The following DNAJC8 variants were observed in gnomAD, a reference collection of about 807,000 sequenced individuals.
DNAJC8 encodes the protein dnaJ homolog subfamily C member 8.
DNAJC8 carries 24 observed loss-of-function variants against 43.2 expected under a neutral mutation model. That is an observed-to-expected ratio of 0.56 (90% confidence interval 0.40 to 0.78). The LOEUF (loss-of-function observed/expected upper bound fraction) is 0.78, where lower values mean the gene tolerates loss of function less well. Ranked by LOEUF, DNAJC8 falls within the 30% of genes least tolerant of loss-of-function variation. The probability of loss-of-function intolerance (pLI) is 0.00; values close to 1 mark genes in which losing one functional copy is unlikely to be tolerated. For synonymous variants in DNAJC8, 83 were observed against 98.0 expected, an observed-to-expected ratio of 0.85 and a Z score of 0.90; for missense variants, 207 against 299.4, an observed-to-expected ratio of 0.69 and a Z score of 2.28.
chr1:28,228,912 A>G lies in DNAJC8; in HGVS notation c.180+10T>C. On this transcript the variant is annotated intron_variant, in intron 2 of 8. Transcript: ENST00000263697. ...CATTACAGAGGCCCTAGCAACATCA[A>G]TCGGCTCACCTCAAATGGGTTCAAA... 6.2e-7 allele frequency: 1 copy of G among 1,610,930 alleles called. No homozygotes were observed. The highest frequency in any genetic ancestry group is 2.2e-5 in the East Asian group (1 of 44,852).
At chr1:28,210,152 C>A in intron 4 of DNAJC8, 86 bp from the exon 5 acceptor site, 1 of 1,093,308 alleles carries the variant, frequency 9.1e-7, no homozygotes, top group Admixed American at 1.9e-5. Flanking sequence ...TGGACTTGTG[C>A]TCTCTAAAGC....
intron 2 of DNAJC8, among the ~76,000 whole-genome samples, chr1:28,222,651 C>G (rs946750637): frequency 2.6e-5 from 4 of 152,104 alleles, no homozygotes; most frequent in African/African-American, 9.6e-5. Flanking sequence ...TCAGGCAAAA[C>G]AGACGTCTAC....
chr1:28,224,422 C>T (rs1224494105), intron 2 of DNAJC8, among the ~76,000 whole-genome samples: 2 of 152,102 alleles, frequency 1.3e-5, no homozygotes, highest in East Asian at 3.9e-4. Flanking sequence ...GGCACTCCAT[C>T]ACACCCGGTT....
intron 2 of DNAJC8, among the ~76,000 whole-genome samples, chr1:28,221,828 T>C (rs562860243): frequency 6.6e-6 from 1 of 152,162 alleles, no homozygotes; most frequent in Non-Finnish European, 1.5e-5. Flanking sequence ...ATAGCTAAGA[T>C]GTAGAACAAC....
At chr1:28,209,728 C>G (rs1646797870) in intron 5 of DNAJC8, among the ~76,000 whole-genome samples, 1 of 152,160 alleles carries the variant, frequency 6.6e-6, no homozygotes, top group Non-Finnish European at 1.5e-5. Context: ...CTCCCCAACA[C>G]AGGACTGGTA....
chr1:28,207,628 G>C (rs1646778640), intron 6 of DNAJC8, among the ~76,000 whole-genome samples: 1 of 151,188 alleles, frequency 6.6e-6, no homozygotes, highest in African/African-American at 2.4e-5. Context: ...ATTTTTAGTA[G>C]AGACGGGGTT....
intron 2 of DNAJC8, among the ~76,000 whole-genome samples, chr1:28,222,381 G>A (rs1051226114): frequency 3.3e-5 from 5 of 150,882 alleles, no homozygotes; most frequent in African/African-American, 9.8e-5. Flanking sequence ...AGCTACTCAG[G>A]AGGCTGAGAC....
At chr1:28,215,115 G>T in intron 2 of DNAJC8, 119 bp from the exon 3 acceptor site, 3 of 726,188 alleles carry the variant, frequency 4.1e-6, no homozygotes, top group South Asian at 2.7e-5. Flanking sequence ...CCATGTTCTA[G>T]AACACAGGCT....
At chr1:28,229,480 A>G (rs1205457824) in intron 1 of DNAJC8, among the ~76,000 whole-genome samples, 1 of 62,050 alleles carries the variant, frequency 1.6e-5, no homozygotes, top group Non-Finnish European at 3.0e-5. Context: ...TAATTTTAAG[A>G]AAAAAAAAAT....
chr1:28,231,721 A>G lies in DNAJC8; in HGVS notation c.78+1200T>C, dbSNP rs1646976750. Among the ~76,000 whole-genome samples the G allele has an allele frequency of 2.7e-5, 3 of 110,390 alleles. No individual in the cohort carries two copies. In the South Asian group the frequency reaches 7.1e-4, roughly 26 times the overall value. 72.4% of individuals were successfully genotyped at this position (110,390 alleles called of 152,430 possible). On this transcript the variant is annotated intron_variant, in intron 1 of 8. Coordinates refer to ENST00000263697, the MANE Select transcript of DNAJC8 (RefSeq NM_014280.3). ...ACAAGAGCAAAACTCCGCCTTAGGAAAAAAAAAAAGAATTCAATCCCAGTC... is the reference window on the plus strand; with the variant it reads ...ACAAGAGCAAAACTCCGCCTTAGGAGAAAAAAAAAGAATTCAATCCCAGTC...
chr1:28,211,251 A>G (rs1050579700), intron 3 of DNAJC8, among the ~76,000 whole-genome samples: 2 of 152,156 alleles, frequency 1.3e-5, no homozygotes, highest in Non-Finnish European at 2.9e-5. Flanking sequence ...GGGAGACTGA[A>G]AGGTATCAAG....
chr1:28,231,549 T>C (rs1477250342), intron 1 of DNAJC8, among the ~76,000 whole-genome samples: 1 of 149,770 alleles, frequency 6.7e-6, no homozygotes, highest in Non-Finnish European at 1.5e-5. Flanking sequence ...CCCCCGTCTC[T>C]ACCAAAAATA....
chr1:28,212,210 T>TA (rs1296496544), intron 3 of DNAJC8, among the ~76,000 whole-genome samples: 1 of 109,498 alleles, frequency 9.1e-6, no homozygotes, highest in Non-Finnish European at 1.9e-5. Flanking sequence ...TATATATATA[T>TA]ATATAAATGA....
In DNAJC8 at chr1:28,208,365, C is replaced by T. The variant is rs752300692; in HGVS notation, c.448G>A (p.Val150Ile). 1 of 1,613,474 alleles carries T rather than the reference C, an allele frequency of 6.2e-7. No homozygotes were observed. The highest frequency in any genetic ancestry group is 8.5e-7 in the Non-Finnish European group (1 of 1,179,744). ...ACCAGCTCAGGATCATCCTCCTCTA[C>T]AATTGTAGGTTTTCCTTCCTTCTTT... is the stretch of plus-strand genomic sequence containing the variant. ...QLKKEGKPTIVEEDDPELFKQ... is the reference protein window; with the variant it reads ...QLKKEGKPTIIEEDDPELFKQ... Residue 150 changes from valine to isoleucine, a missense_variant, in exon 6 of 9, where the codon GTA (valine) becomes ATA (isoleucine). This residue lies in a region of DNAJC8 where 159 missense variants were observed against 267.5 expected (regional missense o/e 0.59). Coordinates refer to ENST00000263697, the MANE Select transcript of DNAJC8 (RefSeq NM_014280.3).
At chr1:28,206,253 T>C (rs1646767753) in intron 6 of DNAJC8, among the ~76,000 whole-genome samples, 1 of 152,074 alleles carries the variant, frequency 6.6e-6, no homozygotes, top group Non-Finnish European at 1.5e-5. Flanking sequence ...CTATTATTAT[T>C]TATTATTATT....
At chr1:28,218,768 G>A (rs1269081194) in intron 2 of DNAJC8, among the ~76,000 whole-genome samples, 1 of 152,020 alleles carries the variant, frequency 6.6e-6, no homozygotes, top group Non-Finnish European at 1.5e-5. Flanking sequence ...AGCCAGGCAT[G>A]GTGGTGCATG....
chr1:28,201,088 A>G lies in DNAJC8; in HGVS notation c.*160T>C. 1 of 1,102,680 alleles carries G rather than the reference A, an allele frequency of 9.1e-7. No individual in the cohort carries two copies. The highest frequency in any genetic ancestry group is 1.3e-6 in the Non-Finnish European group (1 of 781,774). The allele number at this position is 1,102,680 out of a possible 1,614,324, so 68.3% of individuals were successfully genotyped here. ...ACCAAGCCCCTCATTTCAATGTACA[A>G]AAGAATTACTCTGATCGATATTAAA... On this transcript the variant is annotated 3_prime_UTR_variant, in exon 9 of 9. Transcript: ENST00000263697.
intron 2 of DNAJC8, among the ~76,000 whole-genome samples, chr1:28,215,208 A>G (rs1362348464): frequency 6.6e-6 from 1 of 152,184 alleles, no homozygotes; most frequent in African/African-American, 2.4e-5. Context: ...TGGTACTCAA[A>G]TAACATAATG....
In DNAJC8 at chr1:28,203,729, G is replaced by A. The variant is rs769254064; in HGVS notation, c.639+18C>T. On this transcript the variant is annotated intron_variant, in intron 8 of 8. Coordinates refer to ENST00000263697, the MANE Select transcript of DNAJC8 (RefSeq NM_014280.3). ...CCTTATTCTGGAATTAGAATCCCTG[G>A]CCACCTTGGAAATTTACCTCAAAGT... The A allele has an allele frequency of 1.9e-6, 3 of 1,613,662 alleles. No individual in the cohort carries two copies. The highest frequency in any genetic ancestry group is 2.5e-6 in the Non-Finnish European group (3 of 1,179,724).
Sources: gnomAD v4.1 joint callset for allele counts (sites outside exome capture counted in the v4.1 genomes callset) on GRCh38, gnomAD v4.1.1 for gene constraint, gnomAD v4.1.1 regional missense constraint, MANE v1.5 for transcripts, NCBI Gene and HGNC (gene_info 2026-07-23, HGNC 2026-07-21) for gene names.